Variants in PLXND1 observed in about 807,000 individuals in gnomAD.
The protein encoded by PLXND1 is plexin-D1.
PLXND1 carries 54 observed loss-of-function variants against 197.7 expected under a neutral mutation model. The ratio of observed to expected loss-of-function variants is 0.27; its 90% confidence interval spans 0.22 to 0.34. The LOEUF is 0.34. Among genes scored for constraint, PLXND1 ranks in the 10% least tolerant of loss-of-function variants. The pLI is 1.00. For missense variants in PLXND1, 2,127 were observed against 2,699.2 expected, an observed-to-expected ratio of 0.79 and a Z score of 4.70; for synonymous variants, 1,180 against 1,161.2, an observed-to-expected ratio of 1.02 and a Z score of -0.33.
chr3:129,563,587 G>A (rs1034686468), intron 25 of PLXND1, among the ~76,000 whole-genome samples: 4 of 152,216 alleles, frequency 2.6e-5, no homozygotes, highest in Admixed American at 1.3e-4. Context: ...GACCTGGCTC[G>A]GCTGACTCCC....
Position 129,562,876 on chromosome 3 carries a change from G to A in PLXND1, c.4736C>T (p.Thr1579Met), listed in dbSNP as rs1263992633. 1.2e-6 allele frequency: 2 copies of A among 1,612,054 alleles called. No homozygotes were observed. The highest frequency in any genetic ancestry group is 1.3e-5 in the African/African-American group (1 of 75,030). The change falls in exon 27 of 36, where the codon ACG (threonine) becomes ATG (methionine). Residue 1579 changes from threonine to methionine, a missense_variant. By Grantham distance (81) the Thr-to-Met change is moderately conservative. Around this residue, in one of 6 missense-constraint regions of PLXND1, gnomAD observed 532 missense variants for 811.0 expected, o/e 0.66. Transcript: ENST00000324093. ...GATCTTCTCCTTGACCTGTGTCAGCGTGTCGGTGTCCATGGCCCGCACGCT... is the reference window on the plus strand; with the variant it reads ...GATCTTCTCCTTGACCTGTGTCAGCATGTCGGTGTCCATGGCCCGCACGCT... ...SLSVRAMDTD[T>M]LTQVKEKILE...
chr3:129,586,820 C>A, intron 2 of PLXND1, 101 bp from the exon 3 acceptor site: 1 of 1,376,352 alleles, frequency 7.3e-7, no homozygotes, highest in Non-Finnish European at 1.0e-6. Flanking sequence ...CCTCCCCATC[C>A]TGTCTTGGAC....
chr3:129,566,041 G>A (rs1560062633), intron 23 of PLXND1, 24 bp from the exon 24 acceptor site: 2 of 1,613,102 alleles, frequency 1.2e-6, no homozygotes, highest in South Asian at 1.1e-5. Context: ...TGGTGATGGG[G>A]TGTCCAGAGG....
chr3:129,568,188 G>T (rs527425988), intron 20 of PLXND1, among the ~76,000 whole-genome samples: 172 of 152,158 alleles, frequency 1.1e-3, no homozygotes, highest in Admixed American at 2.7e-3. Context: ...TTTACTTTCT[G>T]CTTTTGAGCA....
At chr3:129,575,374 G>A in intron 11 of PLXND1, 95 bp downstream of exon 11, 2 of 753,512 alleles carry the variant, frequency 2.7e-6, no homozygotes, top group East Asian at 2.7e-5. Context: ...GACATCTGCG[G>A]CTTTGGGGCA....
In PLXND1 at chr3:129,559,605, C is replaced by G. The variant is rs200337183; in HGVS notation, c.5297+15G>C. ...AGTGGCACAGTGAAGTCCACACGGCCCCCCCACCCGCCACCTGTTGGTCTT... is the reference window on the plus strand; with the variant it reads ...AGTGGCACAGTGAAGTCCACACGGCGCCCCCACCCGCCACCTGTTGGTCTT... On this transcript the variant is annotated intron_variant, in intron 32 of 35. Transcript: ENST00000324093. The G allele has an allele frequency of 6.5e-7, 1 of 1,535,004 alleles. No homozygotes were observed. Among genetic ancestry groups the G allele is most frequent in the Non-Finnish European group, 8.7e-7 (1 of 1,146,492 alleles).
chr3:129,561,070 C>T (rs1486647584), intron 29 of PLXND1: 1 of 490,556 alleles, frequency 2.0e-6, no homozygotes, highest in Non-Finnish European at 4.0e-6. Context: ...GAAGGAGGGA[C>T]AGCGGTGGAG....
chr3:129,578,458 G>A, intron 8 of PLXND1, 25 bp from the exon 9 acceptor site: 3 of 1,412,678 alleles, frequency 2.1e-6, no homozygotes, highest in African/African-American at 1.4e-5. Context: ...GAAGGAGAGG[G>A]TGACACAGGG....
intron 2 of PLXND1, 44 bp downstream of exon 2, chr3:129,589,307 G>GCCGGGGGCCCCCCCCCCCCCCCCCC: frequency 2.9e-6 from 2 of 684,692 alleles, no homozygotes; most frequent in Non-Finnish European, 5.1e-6. Flanking sequence ...TCCCAGGGGA[G>GCCGGGGGCCCCCCCCCCCCCCCCCC]CCTCCCACCC....
At chr3:129,596,226 C>T (rs2085620289) in intron 1 of PLXND1, among the ~76,000 whole-genome samples, 1 of 152,114 alleles carries the variant, frequency 6.6e-6, no homozygotes, top group South Asian at 2.1e-4. Context: ...CAGGGACAAG[C>T]CACTCCACCG....
rs1375019697 is a variant in PLXND1 at position 129,589,441 on chromosome 3, G to A, written c.1398C>T (p.Phe466=). The A allele has an allele frequency of 6.2e-7, 1 of 1,611,686 alleles. No individual in the cohort carries two copies. Among genetic ancestry groups the A allele is most frequent in the Non-Finnish European group, 8.5e-7 (1 of 1,179,452 alleles). The stretch of plus-strand genomic sequence containing the variant: ...CCACGGAGGTGAGGCCCGGGGCGCG[G>A]AACACGGGCGTGGCCTTCAGGGGCT... The part of the protein sequence containing the change: ...ILQPLKATPV[F]RAPGLTSVAV... Residue 466 remains phenylalanine, a synonymous_variant, in exon 2 of 36, where the codon TTC becomes TTT. Coordinates refer to ENST00000324093, the MANE Select transcript of PLXND1 (RefSeq NM_015103.3).
Position 129,571,740 on chromosome 3 carries a change from A to T in PLXND1, c.3182T>A (p.Leu1061His), listed in dbSNP as rs768251994. 3 of 1,613,566 alleles carry T rather than the reference A, an allele frequency of 1.9e-6. No homozygotes were observed. In the East Asian group the frequency reaches 6.7e-5, roughly 36 times the overall value. ...FERRGCVHGN[L>H]TFWYMQNPVI... ...CGGGTTCTGCATGTACCAGAAGGTG[A>T]GGTTGCCGTGCACGCAGCCCCGACG... The change falls in exon 16 of 36, where the codon CTC (leucine) becomes CAC (histidine). Residue 1061 changes from leucine (L) to histidine (H), a missense_variant. Coordinates refer to ENST00000324093, the MANE Select transcript of PLXND1 (RefSeq NM_015103.3).
chr3:129,559,026 T>C, intron 32 of PLXND1: 1 of 161,508 alleles, frequency 6.2e-6, no homozygotes, highest in Non-Finnish European at 1.4e-5. Flanking sequence ...CACCCCCACC[T>C]CAGGCCACCC....
In PLXND1 at chr3:129,562,851, G is replaced by A. The variant is rs199662261; in HGVS notation, c.4761C>T (p.Ile1587=). The change falls in exon 27 of 36, where the codon ATC becomes ATT. Residue 1587 remains isoleucine, a synonymous_variant. Coordinates refer to ENST00000324093, the MANE Select transcript of PLXND1 (RefSeq NM_015103.3). ...TDTLTQVKEK[I]LEAFCKNVPY... The stretch of plus-strand genomic sequence containing the variant: ...GCACATTCTTGCAGAAGGCCTCCAG[G>A]ATCTTCTCCTTGACCTGTGTCAGCG... The A allele has an allele frequency of 8.9e-5, 143 of 1,612,196 alleles. No homozygotes were observed. The highest frequency in any genetic ancestry group is 1.1e-4 in the Non-Finnish European group (129 of 1,178,492).
chr3:129,573,847 C>A, intron 12 of PLXND1, 102 bp from the exon 13 acceptor site: 1 of 1,304,616 alleles, frequency 7.7e-7, no homozygotes, highest in Non-Finnish European at 1.1e-6. Flanking sequence ...GCCGTGCAGA[C>A]CCACTGCTTA....
In PLXND1 at chr3:129,561,833, G is replaced by A. The variant is rs2085066597; in HGVS notation, c.4896C>T (p.Gly1632=). The A allele has an allele frequency of 6.2e-7, 1 of 1,613,846 alleles. No homozygotes were observed. Among genetic ancestry groups the A allele is most frequent in the African/African-American group, 1.3e-5 (1 of 75,040 alleles). Reference sequence around the variant, plus strand: ...GGGCCAGCGTGTTAAGCTTCTTGCGGCCGTCTTCCACCACTGAGGTGTCGT... The same window carrying A: ...GGGCCAGCGTGTTAAGCTTCTTGCGACCGTCTTCCACCACTGAGGTGTCGT... ...DLDDTSVVED[G]RKKLNTLAHY... is the part of the protein sequence containing the mutation. The change falls in exon 28 of 36, where the codon GGC becomes GGT. Residue 1632 remains glycine, a synonymous_variant. Coordinates refer to ENST00000324093, the MANE Select transcript of PLXND1 (RefSeq NM_015103.3).
chr3:129,578,253 A>G, intron 9 of PLXND1, 76 bp downstream of exon 9: 1 of 860,630 alleles, frequency 1.2e-6, no homozygotes, highest in Non-Finnish European at 1.9e-6. Flanking sequence ...ACACCAGGAC[A>G]TGGGGGCAGT....
rs115331000 is a variant in PLXND1, at chr3:129,568,504, T to C, written c.3866-699A>G. Among the ~76,000 whole-genome samples the C allele has an allele frequency of 2.0e-3, 306 of 152,330 alleles. 1 individual carries two copies. The highest frequency in any genetic ancestry group is 3.4e-3 in the Middle Eastern group (1 of 294). On this transcript the variant is annotated intron_variant, in intron 20 of 35. Coordinates refer to ENST00000324093, the MANE Select transcript of PLXND1 (RefSeq NM_015103.3). ...CAGCTTTATTGTGAAATAACGTACA[T>C]ACCATATAATCCAGTGATTTAAAGT...
At chr3:129,600,592 C>T (rs1293704298) in intron 1 of PLXND1, among the ~76,000 whole-genome samples, 1 of 151,936 alleles carries the variant, frequency 6.6e-6, no homozygotes, top group Non-Finnish European at 1.5e-5. Context: ...GGGGTCGAGA[C>T]ATTCTCAGGG....
Sources: gnomAD v4.1 joint callset for allele counts (sites outside exome capture counted in the v4.1 genomes callset) on GRCh38, gnomAD v4.1.1 for gene constraint, gnomAD v4.1.1 regional missense constraint, MANE v1.5 for transcripts, NCBI Gene and HGNC (gene_info 2026-07-23, HGNC 2026-07-21) for gene names.